Variants in UTS2 observed in about 807,000 individuals in gnomAD.
UTS2 encodes urotensin 2, also known as urotensin-2.
UTS2 carries 10 observed loss-of-function variants against 12.6 expected under a neutral mutation model. That is an observed-to-expected ratio of 0.80 (90% CI 0.49 to 1.35). The LOEUF (loss-of-function observed/expected upper bound fraction) is 1.35, where lower values mean the gene tolerates loss of function less well. UTS2 is among the 40% of genes most tolerant of loss of function. The probability of loss-of-function intolerance (pLI) is 0.00; values close to 1 mark genes in which losing one functional copy is unlikely to be tolerated. For missense variants in UTS2, 142 were observed against 143.2 expected (o/e 0.99, Z 0.04); for synonymous variants, 52 against 50.0 (o/e 1.04, Z -0.17).
At chr1:7,883,113 C>A in the UTS2 span, among the ~76,000 whole-genome samples, 8 of 151,998 alleles carry the variant, frequency 5.3e-5, no homozygotes, top group South Asian at 2.1e-4. Flanking sequence ...TTCACAATAA[C>A]CAAAATATAG....
the UTS2 span, among the ~76,000 whole-genome samples, chr1:7,912,430 C>T: frequency 2.7e-5 from 4 of 148,254 alleles, no homozygotes; most frequent in Non-Finnish European, 6.0e-5. Flanking sequence ...TGGGCAGGAA[C>T]TTTATAACAC....
At chr1:7,891,571 A>AGAAAGAAT in the UTS2 span, among the ~76,000 whole-genome samples, 1 of 151,548 alleles carries the variant, frequency 6.6e-6, no homozygotes, top group Non-Finnish European at 1.5e-5. Context: ...AAAGAAAGAA[A>AGAAAGAAT]GAAAGAAAGA....
At chr1:7,909,666 G>A in the UTS2 span, among the ~76,000 whole-genome samples, 1 of 151,974 alleles carries the variant, frequency 6.6e-6, no homozygotes, top group South Asian at 2.1e-4. Context: ...TGTCACCCAG[G>A]CTGGAGTGCA....
the UTS2 span, among the ~76,000 whole-genome samples, chr1:7,906,763 G>A: frequency 1.3e-5 from 2 of 152,124 alleles, no homozygotes; most frequent in East Asian, 1.9e-4. Flanking sequence ...GCAACACCAC[G>A]AACACGGGCA....
chr1:7,899,527 G>A, the UTS2 span, among the ~76,000 whole-genome samples: 1 of 151,894 alleles, frequency 6.6e-6, no homozygotes, highest in African/African-American at 2.4e-5. Flanking sequence ...TATTTTTTGA[G>A]ACAAGGTCTC....
the UTS2 span, among the ~76,000 whole-genome samples, chr1:7,862,992 TGTATTGTATTGTATTG>T: frequency 5.3e-5 from 1 of 18,764 alleles, no homozygotes; most frequent in African/African-American, 1.9e-4. Flanking sequence ...TGTGTTGTGT[TGTATTGTATTGTATTG>T]TATTGTATTG....
At chr1:7,909,697 T>C in the UTS2 span, among the ~76,000 whole-genome samples, 30 of 152,056 alleles carry the variant, frequency 2.0e-4, no homozygotes, top group African/African-American at 6.3e-4. Flanking sequence ...CTCGGCTCAC[T>C]GCAACCTCTG....
chr1:7,907,765 C>G, the UTS2 span, among the ~76,000 whole-genome samples: 20 of 152,246 alleles, frequency 1.3e-4, no homozygotes, highest in Admixed American at 9.8e-4. Context: ...TTCAACAACT[C>G]CAAACTCAGA....
chr1:7,904,862 C>T, the UTS2 span, among the ~76,000 whole-genome samples: 1 of 142,988 alleles, frequency 7.0e-6, no homozygotes, highest in Non-Finnish European at 1.5e-5. Context: ...CTAGATCGTG[C>T]CACTGGACTC....
chr1:7,890,974 C>A, the UTS2 span, among the ~76,000 whole-genome samples: 1 of 151,254 alleles, frequency 6.6e-6, no homozygotes, highest in African/African-American at 2.4e-5. Flanking sequence ...TCCACCCCCC[C>A]CCACAAAACT....
the UTS2 span, among the ~76,000 whole-genome samples, chr1:7,869,637 G>A: frequency 1.3e-5 from 2 of 152,218 alleles, no homozygotes; most frequent in Non-Finnish European, 2.9e-5. Context: ...GAAGGCTGCT[G>A]CACAAAGAAG....
the UTS2 span, among the ~76,000 whole-genome samples, chr1:7,884,829 CCACCCATCATA>C: frequency 0.037 from 5,676 of 152,012 alleles, 317 homozygotes; most frequent in African/African-American, 0.12. Context: ...CACCCATCAT[CCACCCATCATA>C]CACCCACCAT....
chr1:7,850,666 C>A, intron 2 of UTS2, 146 bp downstream of exon 2: 1 of 745,548 alleles, frequency 1.3e-6, no homozygotes, highest in Admixed American at 2.4e-5. Context: ...TTGCACAGGC[C>A]GGGAGGGGAG....
chr1:7,872,508 T>C, the UTS2 span, among the ~76,000 whole-genome samples: 1 of 152,136 alleles, frequency 6.6e-6, no homozygotes, highest in African/African-American at 2.4e-5. Flanking sequence ...AACAGCCTTC[T>C]TGCTGATATG....
the UTS2 span, among the ~76,000 whole-genome samples, chr1:7,863,045 ATTGTATTGTATTGTATTGTATTGTATT>A: frequency 2.7e-5 from 1 of 36,552 alleles, no homozygotes; most frequent in African/African-American, 8.3e-5. Context: ...ATTGTATTGT[ATTGTATTGTATTGTATTGTATTGTATT>A]GTATTGTATT....
At chr1:7,879,322 T>C in the UTS2 span, among the ~76,000 whole-genome samples, 3 of 152,076 alleles carry the variant, frequency 2.0e-5, no homozygotes, top group East Asian at 3.8e-4. Context: ...TCTCAAACCA[T>C]AGCAGAATAA....
the UTS2 span, among the ~76,000 whole-genome samples, chr1:7,885,756 AG>A: frequency 6.6e-6 from 1 of 151,780 alleles, no homozygotes; most frequent in South Asian, 2.1e-4. Flanking sequence ...TGGTGAGCAG[AG>A]CTAGAGGGCG....
At chr1:7,909,811 G>A in the UTS2 span, among the ~76,000 whole-genome samples, 2 of 151,828 alleles carry the variant, frequency 1.3e-5, no homozygotes, top group African/African-American at 2.4e-5. Context: ...TGGTAGAGAC[G>A]AGGTTTCAAC....
At chr1:7,898,383 C>T in the UTS2 span, among the ~76,000 whole-genome samples, 10 of 151,956 alleles carry the variant, frequency 6.6e-5, no homozygotes, top group South Asian at 2.1e-4. Flanking sequence ...ACTTATATAC[C>T]GAGAACTGCA....
Sources: allele counts gnomAD v4.1 joint callset (sites outside exome capture counted in the v4.1 genomes callset), GRCh38; gene constraint gnomAD v4.1.1; transcripts MANE v1.5; gene names NCBI Gene and HGNC (gene_info 2026-07-23, HGNC 2026-07-21).